Variants in EGLN1 observed in about 807,000 individuals in gnomAD.
The protein encoded by EGLN1 is egl-9 family hypoxia inducible factor 1.
Under a neutral mutation model 38.3 loss-of-function variants are expected in EGLN1, and 17 were observed. That is an observed-to-expected ratio of 0.44 (90% CI 0.30 to 0.67). EGLN1 has a LOEUF of 0.67. Ranked by LOEUF, EGLN1 falls within the 30% of genes least tolerant of loss-of-function variation. The probability of loss-of-function intolerance (pLI) is 0.08; values close to 1 mark genes in which losing one functional copy is unlikely to be tolerated. For missense variants in EGLN1, 477 were observed against 603.3 expected (o/e 0.79, Z 2.19); for synonymous variants, 283 against 257.5 (o/e 1.10, Z -0.95).
chr1:231,379,244 C>T (rs1475464900), intron 1 of EGLN1, among the ~76,000 whole-genome samples: 7 of 152,194 alleles, frequency 4.6e-5, no homozygotes, highest in Admixed American at 4.6e-4. Flanking sequence ...AAGCGGCCCA[C>T]CACCTGCTGC....
chr1:231,406,295 AAG>A (rs1688793278), intron 1 of EGLN1, among the ~76,000 whole-genome samples: 1 of 152,072 alleles, frequency 6.6e-6, no homozygotes, highest in Admixed American at 6.6e-5. Flanking sequence ...CAAGAGGAAA[AAG>A]AGAATCATAA....
intron 1 of EGLN1, among the ~76,000 whole-genome samples, chr1:231,398,365 T>G (rs766621232): frequency 6.6e-6 from 1 of 152,178 alleles, no homozygotes; most frequent in Non-Finnish European, 1.5e-5. Context: ...GGTCACATTA[T>G]GTTGTCCAGG....
intron 1 of EGLN1, among the ~76,000 whole-genome samples, chr1:231,406,040 T>C (rs888872302): frequency 1.7e-4 from 24 of 140,186 alleles, no homozygotes; most frequent in African/African-American, 5.3e-4. Flanking sequence ...TTTTTTTTTT[T>C]TTTTTTTTAA....
At chr1:231,417,485 T>C (rs937513802) in intron 1 of EGLN1, among the ~76,000 whole-genome samples, 4 of 152,160 alleles carry the variant, frequency 2.6e-5, no homozygotes, top group African/African-American at 7.2e-5. Context: ...CTCTTCCTCC[T>C]GTACCCCCAA....
chr1:231,390,312 C>A (rs1688333691), intron 1 of EGLN1, among the ~76,000 whole-genome samples: 1 of 152,184 alleles, frequency 6.6e-6, no homozygotes, highest in Admixed American at 6.5e-5. Context: ...GGGTATGAAT[C>A]AAATAAGACA....
At chr1:231,403,846 C>A (rs927018457) in intron 1 of EGLN1, among the ~76,000 whole-genome samples, 9 of 144,132 alleles carry the variant, frequency 6.2e-5, no homozygotes, top group Non-Finnish European at 1.4e-4. Context: ...GATAACACTA[C>A]AAGTATTTAA....
At chr1:231,385,531 A>C (rs1688183015) in intron 1 of EGLN1, among the ~76,000 whole-genome samples, 1 of 152,212 alleles carries the variant, frequency 6.6e-6, no homozygotes, top group Non-Finnish European at 1.5e-5. Flanking sequence ...ATGCTGTGTA[A>C]ACTGCAAACA....
rs748272071 is a variant in EGLN1, at chr1:231,421,419, T to C, written c.470A>G (p.Gln157Arg). The C allele has an allele frequency of 2.7e-4, 431 of 1,585,554 alleles. No individual in the cohort carries two copies. The highest frequency in any genetic ancestry group is 2.0e-4 in the Non-Finnish European group (229 of 1,163,040). ...TGGGGGGTACAGGTTCGCCTTCTCC[T>C]GGAACAGCGATGAGCGGGCCGGCGG... is the stretch of plus-strand genomic sequence containing the variant. ...EEPPARSSLF[Q>R]EKANLYPPSN... The change falls in exon 1 of 5, where the codon CAG (glutamine) becomes CGG (arginine). Residue 157 changes from glutamine (Q) to arginine (R), a missense_variant. By Grantham distance (43) the Gln-to-Arg change is conservative (BLOSUM62 1). Transcript: ENST00000366641. The surrounding 1 kb of genome is among the most constrained non-coding windows in gnomAD (Gnocchi z 5.5).
chr1:231,404,420 A>G (rs761418628), intron 1 of EGLN1, among the ~76,000 whole-genome samples: 78 of 152,256 alleles, frequency 5.1e-4, no homozygotes, highest in Non-Finnish European at 8.2e-4. Flanking sequence ...CAGTAAATAA[A>G]AGAAATACTA....
chr1:231,365,731 T>C lies in EGLN1; in HGVS notation c.*680A>G, dbSNP rs1220880120. On this transcript the variant is annotated 3_prime_UTR_variant, in exon 5 of 5. Transcript: ENST00000366641. ...AGTTATTGGTAGTAAATGGTGACTG[T>C]TTTACAATTAGGTTTCGTTATTGAC... 1 of 152,354 alleles carries C rather than the reference T, an allele frequency of 6.6e-6. No individual in the cohort carries two copies. Among genetic ancestry groups the C allele is most frequent in the South Asian group, 2.1e-4 (1 of 4,834 alleles). 9.4% of individuals were successfully genotyped at this position (152,354 alleles called of 1,614,324 possible).
intron 1 of EGLN1, among the ~76,000 whole-genome samples, chr1:231,409,830 T>A (rs1688890475): frequency 6.6e-6 from 1 of 152,186 alleles, no homozygotes; most frequent in Non-Finnish European, 1.5e-5. Flanking sequence ...CCTATTGGAT[T>A]AAGTACTGTT....
intron 1 of EGLN1, among the ~76,000 whole-genome samples, chr1:231,405,053 T>C (rs985803106): frequency 2.0e-5 from 3 of 152,170 alleles, no homozygotes; most frequent in Non-Finnish European, 2.9e-5. Context: ...GAATCTAAAA[T>C]TGAATCTGAA....
intron 1 of EGLN1, among the ~76,000 whole-genome samples, chr1:231,401,508 T>TACAACAATC (rs1688663691): frequency 2.0e-5 from 3 of 152,204 alleles, no homozygotes; most frequent in Non-Finnish European, 4.4e-5. Context: ...TTTAAGAATA[T>TACAACAATC]CTAATGCATT....
Position 231,367,600 on chromosome 1 carries a change from C to T in EGLN1, c.1185G>A (p.Glu395=). 1 of 1,614,034 alleles carries T rather than the reference C, an allele frequency of 6.2e-7. No homozygotes were observed. The highest frequency in any genetic ancestry group is 8.5e-7 in the Non-Finnish European group (1 of 1,179,996). Residue 395 remains glutamate, a synonymous_variant, in exon 4 of 5, where the codon GAG becomes GAA. Transcript: ENST00000366641. ...AITVWYFDAD[E]RARAKVKYLT... ...GATATTTTACTTTAGCTCGTGCTCT[C>T]TCATCTGCATCAAAATACCAAACAG...
chr1:231,409,749 A>AG (rs1688887454), intron 1 of EGLN1, among the ~76,000 whole-genome samples: 2 of 152,208 alleles, frequency 1.3e-5, no homozygotes, highest in Non-Finnish European at 2.9e-5. Context: ...TGTTACAGTT[A>AG]CAGCTAATAC....
intron 4 of EGLN1, 31 bp from the exon 5 acceptor site, chr1:231,366,506 T>G: frequency 6.3e-7 from 1 of 1,596,452 alleles, no homozygotes; most frequent in Non-Finnish European, 8.6e-7. Context: ...AAATTTTCAT[T>G]CATTCACTAA....
At chr1:231,399,615 G>T (rs1352215856) in intron 1 of EGLN1, among the ~76,000 whole-genome samples, 1 of 152,158 alleles carries the variant, frequency 6.6e-6, no homozygotes, top group Non-Finnish European at 1.5e-5. Context: ...TAATTTTAAT[G>T]GCTATGTGCC....
At chr1:231,409,146 G>GT (rs762528782) in intron 1 of EGLN1, among the ~76,000 whole-genome samples, 1 of 150,354 alleles carries the variant, frequency 6.7e-6, no homozygotes, top group Non-Finnish European at 1.5e-5. Context: ...ATAAAGGAAA[G>GT]TATGTTCTTC....
intron 1 of EGLN1, among the ~76,000 whole-genome samples, chr1:231,414,901 A>G (rs1689037198): frequency 6.6e-6 from 1 of 151,852 alleles, no homozygotes; most frequent in African/African-American, 2.4e-5. Context: ...ATGCCTGGTT[A>G]ATTTTTGTAT....
Sources: gnomAD v4.1 joint callset for allele counts (sites outside exome capture counted in the v4.1 genomes callset) on GRCh38, gnomAD v4.1.1 for gene constraint, Gnocchi (gnomAD v3.1) non-coding constraint, MANE v1.5 for transcripts, NCBI Gene and HGNC (gene_info 2026-07-23, HGNC 2026-07-21) for gene names.